The following ESYT2 variants were observed in gnomAD, a reference collection of about 807,000 sequenced individuals.
ESYT2 encodes the protein extended synaptotagmin-2.
Under a neutral mutation model 107.2 loss-of-function variants are expected in ESYT2, and 54 were observed. The observed-to-expected ratio is 0.50, with a 90% CI of 0.40 to 0.63. The LOEUF (loss-of-function observed/expected upper bound fraction) is 0.63. Ranked by LOEUF, ESYT2 falls within the 30% of genes least tolerant of loss-of-function variation. ESYT2 has a pLI of 0.00. For missense variants in ESYT2, 1,020 were observed against 1,094.5 expected (o/e 0.93, Z 0.96); for synonymous variants, 491 against 434.1 (o/e 1.13, Z -1.63).
chr7:158,814,079 C>T (rs996346967), intron 1 of ESYT2, among the ~76,000 whole-genome samples: 9 of 151,884 alleles, frequency 5.9e-5, no homozygotes, highest in Admixed American at 2.6e-4. Flanking sequence ...AGAGATCATC[C>T]TGGCCAACAT....
At chr7:158,750,044 A>G (rs1260528845) in intron 14 of ESYT2, among the ~76,000 whole-genome samples, 2 of 152,258 alleles carry the variant, frequency 1.3e-5, no homozygotes, top group Admixed American at 6.5e-5. Context: ...AGGATAACGA[A>G]AATGAATAAA....
chr7:158,819,750 CCATAA>C (rs1287167204), intron 1 of ESYT2, among the ~76,000 whole-genome samples: 3 of 151,922 alleles, frequency 2.0e-5, no homozygotes, highest in African/African-American at 7.3e-5. Context: ...ACCTGTCTAG[CCATAA>C]CATAAGAAAT....
chr7:158,790,480 C>T (rs909451071), intron 4 of ESYT2, among the ~76,000 whole-genome samples: 11 of 152,188 alleles, frequency 7.2e-5, no homozygotes, highest in Non-Finnish European at 1.5e-4. Context: ...CGCTTTTAAG[C>T]CACAGCTGCA....
At chr7:158,792,737 G>GT (rs1839340540) in intron 4 of ESYT2, among the ~76,000 whole-genome samples, 1 of 142,788 alleles carries the variant, frequency 7.0e-6, no homozygotes, top group Admixed American at 7.0e-5. Flanking sequence ...AAAGCTTTCA[G>GT]TTTTTAACCA....
At chr7:158,789,955 G>A (rs993881825) in intron 4 of ESYT2, among the ~76,000 whole-genome samples, 1 of 152,128 alleles carries the variant, frequency 6.6e-6, no homozygotes, top group African/African-American at 2.4e-5. Context: ...ACTCAAACTC[G>A]CTCGGTGCTG....
At chr7:158,786,665 T>C (rs1839126837) in intron 6 of ESYT2, among the ~76,000 whole-genome samples, 2 of 152,218 alleles carry the variant, frequency 1.3e-5, no homozygotes, top group African/African-American at 2.4e-5. Context: ...ACAGAAAAAG[T>C]ACAAGCTGTA....
chr7:158,783,746 A>C (rs193295146), intron 6 of ESYT2, among the ~76,000 whole-genome samples: 168 of 152,344 alleles, frequency 1.1e-3, no homozygotes, highest in African/African-American at 3.8e-3. Context: ...AGAACCACAG[A>C]GGTGTGCACA....
intron 1 of ESYT2, 120 bp downstream of exon 1, chr7:158,828,969 G>A (rs1840545612): frequency 1.4e-6 from 2 of 1,418,326 alleles, no homozygotes; most frequent in Non-Finnish European, 1.8e-6. Flanking sequence ...CGGGAGCCGG[G>A]GCAGGGCTGG....
intron 17 of ESYT2, among the ~76,000 whole-genome samples, chr7:158,742,353 TCC>T (rs1223981596): frequency 6.6e-6 from 1 of 152,158 alleles, no homozygotes; most frequent in African/African-American, 2.4e-5. Flanking sequence ...TCCTCCATCC[TCC>T]CCAGGCCACG....
chr7:158,799,069 G>T lies in ESYT2; in HGVS notation c.334C>A (p.His112Asn). 6.2e-7 allele frequency: 1 copy of T among 1,613,406 alleles called. No homozygotes were observed. Among genetic ancestry groups the T allele is most frequent in the Non-Finnish European group, 8.5e-7 (1 of 1,179,504 alleles). ...VRACDLPAWV[H>N]FPDTERAEWL... ...TCTGCTCTTTCAGTGTCTGGAAAAT[G>T]AACCTAGGAGGAAAATACACACATA... is the stretch of plus-strand genomic sequence containing the variant. Residue 112 changes from histidine (H) to asparagine (N), a missense_variant, in exon 2 of 23, where the codon CAT becomes AAT. Transcript: ENST00000275418.
chr7:158,762,723 T>C (rs1326039982), intron 10 of ESYT2, among the ~76,000 whole-genome samples: 1 of 152,236 alleles, frequency 6.6e-6, no homozygotes, highest in African/African-American at 2.4e-5. Context: ...ATTTTTGCAA[T>C]CTGGAATAGA....
At chr7:158,736,180 C>G (rs73729965) in intron 20 of ESYT2, among the ~76,000 whole-genome samples, 36,066 of 152,096 alleles carry the variant, frequency 0.24, 5,149 homozygotes, top group East Asian at 0.59. Flanking sequence ...AGTGGAGTCT[C>G]CAGACGCTTA....
chr7:158,795,257 A>G (rs1839423957), intron 3 of ESYT2, among the ~76,000 whole-genome samples: 1 of 152,222 alleles, frequency 6.6e-6, no homozygotes, highest in African/African-American at 2.4e-5. Context: ...ACATTGGTAC[A>G]GTAGATGAAA....
rs759254952 is a variant in ESYT2, at chr7:158,786,033, T to C, written c.747+1971A>G. Among the ~76,000 whole-genome samples, 34 of 152,354 alleles carry C rather than the reference T, an allele frequency of 2.2e-4. 1 individual carries two copies. Among genetic ancestry groups the C allele is most frequent in the Admixed American group, 1.2e-3 (18 of 15,306 alleles). On this transcript the variant is annotated intron_variant, in intron 6 of 22. Transcript: ENST00000275418. ...TCTCATATTTTCCAGTAAAATAAAC[T>C]GAAAATTTTCCTTTTCACTGGAGTA...
At position 158,768,088 on chromosome 7, in the gene ESYT2, T is replaced by C. The variant is rs1262621600; in HGVS notation, c.804-314A>G. ...TTTTGCACCAACCTAATACACTTCA[T>C]AATTTCCTAAATAACATTTAATGTA... On this transcript the variant is annotated intron_variant, in intron 7 of 22. Coordinates refer to ENST00000275418, the MANE Select transcript of ESYT2 (RefSeq NM_001367773.1). Among the ~76,000 whole-genome samples, 7 of 152,352 alleles carry C rather than the reference T, an allele frequency of 4.6e-5. No individual in the cohort carries two copies. The East Asian group carries it at 1.3e-3, about 29-fold the overall frequency.
At chr7:158,734,302 G>T in intron 22 of ESYT2, 50 bp from the exon 23 acceptor site, 1 of 1,613,492 alleles carries the variant, frequency 6.2e-7, no homozygotes, top group Non-Finnish European at 8.5e-7. Context: ...GACCAAGTAG[G>T]AAAAGCCTAT....
chr7:158,782,834 G>A (rs947521053), intron 6 of ESYT2, among the ~76,000 whole-genome samples: 5 of 152,064 alleles, frequency 3.3e-5, no homozygotes, highest in Non-Finnish European at 7.4e-5. Flanking sequence ...GAATGAGTGC[G>A]GACAAGTGTG....
intron 13 of ESYT2, among the ~76,000 whole-genome samples, chr7:158,753,097 AC>A (rs1837633852): frequency 6.6e-6 from 1 of 152,030 alleles, no homozygotes; most frequent in African/African-American, 2.4e-5. Context: ...TTCTTTTACT[AC>A]CCCCACCCTC....
chr7:158,776,426 C>T (rs1395499622), intron 6 of ESYT2, among the ~76,000 whole-genome samples: 1 of 152,204 alleles, frequency 6.6e-6, no homozygotes, highest in Non-Finnish European at 1.5e-5. Context: ...AGTGGAGCCA[C>T]CTTTATCAAT....
Sources: gnomAD v4.1 joint callset for allele counts (sites outside exome capture counted in the v4.1 genomes callset) on GRCh38, gnomAD v4.1.1 for gene constraint, MANE v1.5 for transcripts, NCBI Gene and HGNC (gene_info 2026-07-23, HGNC 2026-07-21) for gene names.